The following SAMD4A variants were observed in gnomAD, a reference collection of about 807,000 sequenced individuals.
SAMD4A encodes the protein sterile alpha motif domain containing 4A.
A neutral mutation model predicts 81.3 loss-of-function variants in SAMD4A; 33 were observed. The observed-to-expected ratio is 0.41, with a 90% CI of 0.31 to 0.54. SAMD4A has a LOEUF of 0.54. Ranked by LOEUF, SAMD4A falls within the 20% of genes least tolerant of loss-of-function variation. The pLI, the probability that SAMD4A is intolerant of heterozygous loss-of-function variation, is 0.37. For synonymous variants in SAMD4A, 389 were observed against 382.1 expected, an observed-to-expected ratio of 1.02 and a Z score of -0.21; for missense variants, 854 against 951.1, an observed-to-expected ratio of 0.90 and a Z score of 1.34.
In SAMD4A at chr14:54,724,048, G is replaced by GGAAGGAAGGAAGGAAGGAAGGAAGGAAT. The variant is rs1193163741; in HGVS notation, c.716-12973_716-12972insGGAAGGAAGGAAGGAAGGAAGGAATGAA. On this transcript the variant is annotated intron_variant, in intron 3 of 12. Transcript: ENST00000554335. ...AGGAAGGAAGGAAGGAAGGAAGGAA[G>GGAAGGAAGGAAGGAAGGAAGGAAGGAAT]GAATAATGCAGGACGCATCTATTCA... Among the ~76,000 whole-genome samples, 12 of 151,064 alleles carry GGAAGGAAGGAAGGAAGGAAGGAAGGAAT rather than the reference G, an allele frequency of 7.9e-5. No individual in the cohort carries two copies. The East Asian group carries it at 1.6e-3, about 20-fold the overall frequency.
chr14:54,755,903 G>A (rs550276727), intron 6 of SAMD4A, among the ~76,000 whole-genome samples: 1 of 152,246 alleles, frequency 6.6e-6, no homozygotes, highest in Admixed American at 6.5e-5. Flanking sequence ...CTGAGCCTGG[G>A]TCCTTGGCAT....
At chr14:54,658,883 C>T (rs2035581007) in intron 2 of SAMD4A, among the ~76,000 whole-genome samples, 1 of 152,228 alleles carries the variant, frequency 6.6e-6, no homozygotes. Context: ...ATGCCCGTGG[C>T]TGGGCACCTT....
upstream of SAMD4A, among the ~76,000 whole-genome samples, chr14:54,566,195 C>T (rs2140086641): frequency 6.6e-6 from 1 of 151,578 alleles, no homozygotes; most frequent in African/African-American, 2.4e-5. Flanking sequence ...CCGCGCCGCC[C>T]GCCCCGACGG....
chr14:54,765,882 C>G (rs181090077), intron 8 of SAMD4A, among the ~76,000 whole-genome samples: 78 of 152,228 alleles, frequency 5.1e-4, no homozygotes, highest in African/African-American at 1.8e-3. Flanking sequence ...TCCATCCCAG[C>G]TCCCCCTTCC....
rs776402972 is a variant in SAMD4A at position 54,760,282 on chromosome 14, A to G, written c.1298A>G (p.Gln433Arg). The part of the protein sequence containing the change: ...TTPEARRREP[Q>R]APRQPSLMGP... ...CCCGAGGCTCGCCGCCGGGAGCCCC[A>G]GGCCCCGCGTCAGCCCTCACTGATG... is the stretch of plus-strand genomic sequence containing the variant. Residue 433 changes from glutamine (Q) to arginine (R), a missense_variant, in exon 7 of 13, where the codon CAG becomes CGG. Coordinates refer to ENST00000554335, the MANE Select transcript of SAMD4A (RefSeq NM_015589.6). The G allele has an allele frequency of 8.7e-6, 14 of 1,612,008 alleles. No homozygotes were observed. The South Asian group carries it at 1.2e-4, about 14-fold the overall frequency.
At chr14:54,719,243 A>C (rs2037201013) in intron 3 of SAMD4A, among the ~76,000 whole-genome samples, 1 of 152,008 alleles carries the variant, frequency 6.6e-6, no homozygotes, top group Non-Finnish European at 1.5e-5. Context: ...CCAAGTCTAC[A>C]CAATTGTGTA....
intron 2 of SAMD4A, among the ~76,000 whole-genome samples, chr14:54,611,858 C>G (rs1408444709): frequency 1.4e-5 from 2 of 145,464 alleles, no homozygotes; most frequent in East Asian, 4.0e-4. Flanking sequence ...GCCTGGGTGA[C>G]AGAGTGAGAC....
chr14:54,760,938 T>A (rs1364541443), intron 7 of SAMD4A, among the ~76,000 whole-genome samples: 1 of 152,156 alleles, frequency 6.6e-6, no homozygotes, highest in Non-Finnish European at 1.5e-5. Flanking sequence ...AGCCCAAAGA[T>A]CTCCCTGTGC....
intron 2 of SAMD4A, among the ~76,000 whole-genome samples, chr14:54,595,441 T>C (rs1280844587): frequency 6.7e-6 from 1 of 148,178 alleles, no homozygotes; most frequent in Non-Finnish European, 1.5e-5. Flanking sequence ...TATTATAATA[T>C]ATAAAAAATA....
At chr14:54,590,373 C>T (rs1219361912) in intron 2 of SAMD4A, among the ~76,000 whole-genome samples, 1 of 152,062 alleles carries the variant, frequency 6.6e-6, no homozygotes, top group Non-Finnish European at 1.5e-5. Flanking sequence ...TGCCTGTAGC[C>T]GCAGCTACTT....
intron 2 of SAMD4A, among the ~76,000 whole-genome samples, chr14:54,623,483 C>CAAAAAAAAAAAAAAAAAAAAAAAAA (rs59768858): frequency 4.4e-5 from 2 of 45,952 alleles, no homozygotes; most frequent in African/African-American, 1.6e-4. Flanking sequence ...TGGACATCAG[C>CAAAAAAAAAAAAAAAAAAAAAAAAA]AAAAAAAAAA....
chr14:54,717,230 C>T (rs1290437524), intron 3 of SAMD4A, among the ~76,000 whole-genome samples: 5 of 151,964 alleles, frequency 3.3e-5, no homozygotes, highest in Non-Finnish European at 5.9e-5. Flanking sequence ...TGCCTGAGTG[C>T]AGGAGTTCAA....
intron 2 of SAMD4A, among the ~76,000 whole-genome samples, chr14:54,670,017 T>C (rs888465121): frequency 3.3e-5 from 5 of 152,224 alleles, no homozygotes; most frequent in Non-Finnish European, 7.3e-5. Context: ...TGAAATGTTT[T>C]TGTGGCCACG....
At chr14:54,645,620 A>G (rs2035270930) in intron 2 of SAMD4A, among the ~76,000 whole-genome samples, 2 of 152,228 alleles carry the variant, frequency 1.3e-5, no homozygotes, top group Admixed American at 6.5e-5. Context: ...GCTGGAGAAT[A>G]TATTTGAATT....
At chr14:54,784,244 G>C in intron 11 of SAMD4A, 1 of 913,624 alleles carries the variant, frequency 1.1e-6, no homozygotes, top group Non-Finnish European at 1.8e-6. Context: ...GCAGGAGGTT[G>C]GCTGTTACTT....
At chr14:54,704,082 C>CT (rs1163668126) in intron 3 of SAMD4A, among the ~76,000 whole-genome samples, 7 of 152,170 alleles carry the variant, frequency 4.6e-5, no homozygotes, top group African/African-American at 1.7e-4. Flanking sequence ...TTTTTAAATT[C>CT]TTTTTTCTGC....
intron 2 of SAMD4A, among the ~76,000 whole-genome samples, chr14:54,677,225 T>A (rs549917913): frequency 6.6e-6 from 1 of 152,334 alleles, no homozygotes; most frequent in African/African-American, 2.4e-5. Flanking sequence ...CCTAGCAGTT[T>A]TACTACACTT....
intron 3 of SAMD4A, among the ~76,000 whole-genome samples, chr14:54,717,817 T>C (rs2140843472): frequency 6.6e-6 from 1 of 151,862 alleles, no homozygotes; most frequent in African/African-American, 2.4e-5. Context: ...CTCGCTGTTG[T>C]TCAGGAATGA....
At chr14:54,670,261 ACT>A (rs2035851729) in intron 2 of SAMD4A, among the ~76,000 whole-genome samples, 1 of 151,706 alleles carries the variant, frequency 6.6e-6, no homozygotes, top group African/African-American at 2.4e-5. Flanking sequence ...GGCATTAAGG[ACT>A]CTCTGAGCTT....
Sources: gnomAD v4.1 joint callset for allele counts (sites outside exome capture counted in the v4.1 genomes callset) on GRCh38, gnomAD v4.1.1 for gene constraint, MANE v1.5 for transcripts, NCBI Gene and HGNC (gene_info 2026-07-23, HGNC 2026-07-21) for gene names.